The following ZMAT4 variants were observed in gnomAD, a reference collection of about 807,000 sequenced individuals.
The protein encoded by ZMAT4 is zinc finger matrin-type protein 4.
A neutral mutation model predicts 28.7 loss-of-function variants in ZMAT4; 17 were observed. The ratio of observed to expected loss-of-function variants is 0.59; its 90% confidence interval spans 0.41 to 0.89. The LOEUF (loss-of-function observed/expected upper bound fraction) is 0.89. Among genes scored for constraint, ZMAT4 ranks in the 40% least tolerant of loss-of-function variants. The pLI, the probability that ZMAT4 is intolerant of heterozygous loss-of-function variation, is 0.00. For missense variants in ZMAT4, 240 were observed against 283.8 expected (o/e 0.85, Z 1.11); for synonymous variants, 117 against 109.2 (o/e 1.07, Z -0.44).
intron 2 of ZMAT4, among the ~76,000 whole-genome samples, chr8:40,816,947 T>C (rs1010210913): frequency 4.6e-5 from 7 of 152,138 alleles, no homozygotes; most frequent in Non-Finnish European, 1.0e-4. Flanking sequence ...TTTAAACACA[T>C]TGAGTGTTGG....
chr8:40,578,673 T>C (rs1804350163), intron 6 of ZMAT4, among the ~76,000 whole-genome samples: 1 of 152,196 alleles, frequency 6.6e-6, no homozygotes, highest in Non-Finnish European at 1.5e-5. Flanking sequence ...TTAGGTCTAA[T>C]GGCAGATAAA....
chr8:40,632,210 G>A (rs1806614453), intron 5 of ZMAT4, among the ~76,000 whole-genome samples: 1 of 152,172 alleles, frequency 6.6e-6, no homozygotes, highest in Non-Finnish European at 1.5e-5. Context: ...GTTTTTAGAT[G>A]CAAGGATTTC....
intron 4 of ZMAT4, among the ~76,000 whole-genome samples, chr8:40,679,079 T>C (rs1809033033): frequency 6.6e-6 from 1 of 152,150 alleles, no homozygotes; most frequent in South Asian, 2.1e-4. Flanking sequence ...ATGCAAGCCC[T>C]CTAAGGCTTG....
chr8:40,893,470 A>G (rs1818763778), intron 1 of ZMAT4, among the ~76,000 whole-genome samples: 1 of 152,208 alleles, frequency 6.6e-6, no homozygotes, highest in South Asian at 2.1e-4. Context: ...CTCAAGTGCC[A>G]GAGCCCAGAT....
At chr8:40,667,624 A>G (rs1808476514) in intron 5 of ZMAT4, among the ~76,000 whole-genome samples, 4 of 152,144 alleles carry the variant, frequency 2.6e-5, no homozygotes, top group South Asian at 2.1e-4. Context: ...TGTGTTTTTC[A>G]TCATGTTTAA....
At chr8:40,791,541 G>A (rs1381130292) in intron 2 of ZMAT4, among the ~76,000 whole-genome samples, 4 of 152,126 alleles carry the variant, frequency 2.6e-5, no homozygotes, top group Non-Finnish European at 5.9e-5. Flanking sequence ...CAGGTCCTTC[G>A]CCCTGGCTCA....
At chr8:40,639,571 C>A (rs1231963648) in intron 5 of ZMAT4, among the ~76,000 whole-genome samples, 2 of 151,872 alleles carry the variant, frequency 1.3e-5, no homozygotes, top group Non-Finnish European at 2.9e-5. Context: ...TCCAAAATAA[C>A]TTTTCTACAA....
chr8:40,624,070 G>A (rs1213227859), intron 5 of ZMAT4, among the ~76,000 whole-genome samples: 1 of 152,176 alleles, frequency 6.6e-6, no homozygotes, highest in Non-Finnish European at 1.5e-5. Flanking sequence ...TGAATTGCAA[G>A]GGTATGTGTA....
intron 1 of ZMAT4, among the ~76,000 whole-genome samples, chr8:40,830,481 T>C (rs1389874496): frequency 6.6e-6 from 1 of 152,208 alleles, no homozygotes; most frequent in African/African-American, 2.4e-5. Context: ...GTCCTCTACC[T>C]CTACCCTTAT....
chr8:40,613,783 T>A (rs1339750583), intron 5 of ZMAT4, among the ~76,000 whole-genome samples: 2 of 152,120 alleles, frequency 1.3e-5, no homozygotes, highest in Non-Finnish European at 2.9e-5. Flanking sequence ...TTTCTGAACT[T>A]GAGGGAATCA....
At chr8:40,597,755 T>C (rs1805152411) in intron 5 of ZMAT4, among the ~76,000 whole-genome samples, 1 of 152,164 alleles carries the variant, frequency 6.6e-6, no homozygotes, top group South Asian at 2.1e-4. Context: ...TTTTCATGGA[T>C]GAATAGATGA....
chr8:40,700,981 G>A (rs557242906), intron 3 of ZMAT4, among the ~76,000 whole-genome samples: 8 of 152,244 alleles, frequency 5.3e-5, no homozygotes, highest in Non-Finnish European at 8.8e-5. Context: ...GTGGAGCAGA[G>A]GGTTCATTTG....
chr8:40,703,443 CATT>C (rs1222197233), intron 3 of ZMAT4, among the ~76,000 whole-genome samples: 1 of 152,134 alleles, frequency 6.6e-6, no homozygotes, highest in Non-Finnish European at 1.5e-5. Flanking sequence ...ATCTTGAAAA[CATT>C]ATGCTAAATA....
At chr8:40,895,767 C>T (rs977544859) in intron 1 of ZMAT4, among the ~76,000 whole-genome samples, 1 of 152,200 alleles carries the variant, frequency 6.6e-6, no homozygotes, top group African/African-American at 2.4e-5. Flanking sequence ...TTTTGCAATC[C>T]TCAAACTCAA....
chr8:40,632,698 C>T (rs766139001), intron 5 of ZMAT4, among the ~76,000 whole-genome samples: 1 of 152,198 alleles, frequency 6.6e-6, no homozygotes, highest in Non-Finnish European at 1.5e-5. Context: ...GCCCTGCCAA[C>T]ACCTGGATTT....
chr8:40,731,619 T>C (rs1378740423), intron 3 of ZMAT4, among the ~76,000 whole-genome samples: 1 of 152,128 alleles, frequency 6.6e-6, no homozygotes, highest in Non-Finnish European at 1.5e-5. Flanking sequence ...CAGCAGAAAC[T>C]GCCCCTGAAG....
At chr8:40,757,585 CAA>C (rs1198724259) in intron 3 of ZMAT4, among the ~76,000 whole-genome samples, 12 of 103,318 alleles carry the variant, frequency 1.2e-4, no homozygotes, top group Admixed American at 2.1e-4. Flanking sequence ...GACCCCATCT[CAA>C]AAAAAAAAAA....
rs569862251 is a variant in ZMAT4 at position 40,686,808 on chromosome 8, A to C, written c.349+10437T>G. 3.9e-5 allele frequency among the ~76,000 whole-genome samples: 6 copies of C among 152,282 alleles called. No homozygotes were observed. The South Asian group carries it at 1.2e-3, about 32-fold the overall frequency. Reference sequence around the variant, plus strand: ...TAAAATAAAATGGGGCCAGTGGTTCAATTTCACAACCTTGTTGTGAGGATT... The same window carrying C: ...TAAAATAAAATGGGGCCAGTGGTTCCATTTCACAACCTTGTTGTGAGGATT... On this transcript the variant is annotated intron_variant, in intron 4 of 6. Coordinates refer to ENST00000297737, the MANE Select transcript of ZMAT4 (RefSeq NM_024645.3).
chr8:40,872,041 G>T (rs2150654882), intron 1 of ZMAT4, among the ~76,000 whole-genome samples: 1 of 152,338 alleles, frequency 6.6e-6, no homozygotes, highest in South Asian at 2.1e-4. Context: ...AAATTCAGAA[G>T]TTCTGGCAGC....
Sources: gnomAD v4.1 joint callset for allele counts (sites outside exome capture counted in the v4.1 genomes callset) on GRCh38, gnomAD v4.1.1 for gene constraint, MANE v1.5 for transcripts, NCBI Gene and HGNC (gene_info 2026-07-23, HGNC 2026-07-21) for gene names.